STEAP3: variants seen among roughly 807,000 people sequenced by gnomAD.
The protein encoded by STEAP3 is metalloreductase STEAP3.
A neutral mutation model predicts 34.9 loss-of-function variants in STEAP3; 35 were observed. The ratio of observed to expected loss-of-function variants is 1.00; its 90% confidence interval spans 0.76 to 1.33. STEAP3 has a LOEUF of 1.33. STEAP3 is among the 40% of genes most tolerant of loss of function. The pLI, the probability that STEAP3 is intolerant of heterozygous loss-of-function variation, is 0.00. For synonymous variants in STEAP3, 281 were observed against 301.6 expected, an observed-to-expected ratio of 0.93 and a Z score of 0.71; for missense variants, 652 against 667.6, an observed-to-expected ratio of 0.98 and a Z score of 0.26.
chr2:119,237,329 T>A (rs1036510033), intron 2 of STEAP3, among the ~76,000 whole-genome samples: 1 of 152,088 alleles, frequency 6.6e-6, no homozygotes, highest in Non-Finnish European at 1.5e-5. Flanking sequence ...GCACCATGTG[T>A]GCAGAGATCA....
chr2:119,262,935 C>T (rs1573587504), intron 5 of STEAP3, 122 bp from the exon 6 acceptor site: 2 of 1,342,616 alleles, frequency 1.5e-6, no homozygotes, highest in South Asian at 2.6e-5. Flanking sequence ...GGTTCCAACC[C>T]ATAGCGGTGA....
At position 119,263,073 on chromosome 2, in the gene STEAP3, T is replaced by C; in HGVS notation, c.1232T>C (p.Val411Ala). The change falls in exon 6 of 6, where the codon GTG (valine) becomes GCG (alanine). Residue 411 changes from valine (V) to alanine (A), a missense_variant. Transcript: ENST00000393110. ...FSFVQSSLGF[V>A]ALVLSTLHTL... Reference sequence around the variant, plus strand: ...CCTCCACAGTCCTCACTGGGCTTTGTGGCCCTCGTGCTGAGCACACTGCAC... The same window carrying C: ...CCTCCACAGTCCTCACTGGGCTTTGCGGCCCTCGTGCTGAGCACACTGCAC... 6.2e-7 allele frequency: 1 copy of C among 1,607,104 alleles called. No homozygotes were observed. Among genetic ancestry groups the C allele is most frequent in the Non-Finnish European group, 8.5e-7 (1 of 1,179,892 alleles).
rs547403155 is a variant in STEAP3, at chr2:119,246,275, T to C, written c.522+287T>C. The C allele has an allele frequency of 5.3e-4, 211 of 394,868 alleles. 2 individuals carry two copies. The Middle Eastern group carries it at 8.0e-3, about 15-fold the overall frequency. 24.5% of individuals were successfully genotyped at this position (394,868 alleles called of 1,614,324 possible). On this transcript the variant is annotated intron_variant, in intron 3 of 5. Coordinates refer to ENST00000393110, the MANE Select transcript of STEAP3 (RefSeq NM_182915.3). ...TAGAGGGCAAGGAGGAAAAGGTTGA[T>C]GGCTTTTTGCTATTTGGAGCCAAGA...
chr2:119,238,462 G>C (rs544517629), intron 2 of STEAP3, among the ~76,000 whole-genome samples: 3 of 152,112 alleles, frequency 2.0e-5, no homozygotes, highest in Non-Finnish European at 4.4e-5. Flanking sequence ...CCAGTCTTTT[G>C]CCCACTTTAT....
chr2:119,230,644 C>G lies in STEAP3; in HGVS notation c.-369C>G. 1 of 351,414 alleles carries G rather than the reference C, an allele frequency of 2.8e-6. No homozygotes were observed. 21.8% of individuals were successfully genotyped at this position (351,414 alleles called of 1,614,324 possible). On this transcript the variant is annotated 5_prime_UTR_variant, in exon 2 of 6. It adds an upstream start codon to the 5' untranslated region. Transcript: ENST00000393110. ...GATGACATTTATTCATTTTATGCAT[C>G]CTGGGTTCTACTGGTCGTCCCACCT...
chr2:119,244,104 C>T (rs759396290), intron 2 of STEAP3, among the ~76,000 whole-genome samples: 1 of 152,036 alleles, frequency 6.6e-6, no homozygotes, highest in Admixed American at 6.6e-5. Context: ...GGAAACACAG[C>T]GAAAATATTT....
chr2:119,248,397 G>A, intron 4 of STEAP3, 191 bp downstream of exon 4: 1 of 676,712 alleles, frequency 1.5e-6, no homozygotes, highest in Non-Finnish European at 2.4e-6. Flanking sequence ...GAACAAAGCA[G>A]ATGAAAATTC....
At chr2:119,256,285 C>T (rs555948179) in intron 5 of STEAP3, among the ~76,000 whole-genome samples, 2 of 152,202 alleles carry the variant, frequency 1.3e-5, no homozygotes, top group Non-Finnish European at 2.9e-5. Flanking sequence ...TGGCTCTGCT[C>T]ATCTCAGAAG....
At chr2:119,232,446 G>C (rs1411637600) in intron 2 of STEAP3, among the ~76,000 whole-genome samples, 1 of 152,180 alleles carries the variant, frequency 6.6e-6, no homozygotes, top group Non-Finnish European at 1.5e-5. Context: ...TTGACTCCTG[G>C]TTATTGCAGC....
At chr2:119,260,314 T>C (rs1263242229) in intron 5 of STEAP3, among the ~76,000 whole-genome samples, 1 of 122,838 alleles carries the variant, frequency 8.1e-6, no homozygotes, top group Non-Finnish European at 2.0e-5. Flanking sequence ...TCTTTTTTTT[T>C]TTTTTCTTTT....
At chr2:119,257,902 C>G (rs563353474) in intron 5 of STEAP3, among the ~76,000 whole-genome samples, 1 of 152,056 alleles carries the variant, frequency 6.6e-6, no homozygotes, top group African/African-American at 2.4e-5. Flanking sequence ...TTGGACCTCA[C>G]GCGAGAAAGA....
Position 119,227,840 on chromosome 2 carries a change from A to AT in STEAP3, c.-393-2774dup, listed in dbSNP as rs905532312. On this transcript the variant is annotated intron_variant, in intron 1 of 5. Coordinates refer to ENST00000393110, the MANE Select transcript of STEAP3 (RefSeq NM_182915.3). ...TATTTATTTATTTATTTATTTATTTATTTTTTGGAGACAGAATCTCGCTCT... is the reference window on the plus strand; with the variant it reads ...TATTTATTTATTTATTTATTTATTTATTTTTTTGGAGACAGAATCTCGCTCT... Among the ~76,000 whole-genome samples, 126 of 147,592 alleles carry AT rather than the reference A, an allele frequency of 8.5e-4. No individual in the cohort carries two copies. The Middle Eastern group carries it at 0.014, about 16-fold the overall frequency.
At chr2:119,228,238 G>A (rs1679102729) in intron 1 of STEAP3, among the ~76,000 whole-genome samples, 3 of 152,166 alleles carry the variant, frequency 2.0e-5, no homozygotes, top group Admixed American at 2.0e-4. Flanking sequence ...CCCCCAGTCA[G>A]GGCAAGTGTC....
rs546323453 is a variant in STEAP3 at position 119,232,808 on chromosome 2, C to A, written c.22+1774C>A. Among the ~76,000 whole-genome samples the A allele has an allele frequency of 1.6e-4, 25 of 152,140 alleles. No individual in the cohort carries two copies. The East Asian group carries it at 4.6e-3, about 28-fold the overall frequency. ...GGGAGTAGGGCCCCCCACCACCTAC[C>A]CCTGGGACCTCTAAGGGAAAGTACA... On this transcript the variant is annotated intron_variant, in intron 2 of 5. Transcript: ENST00000393110.
chr2:119,254,867 T>C lies in STEAP3; in HGVS notation c.1215+19T>C. 1.2e-6 allele frequency: 2 copies of C among 1,611,412 alleles called. No individual in the cohort carries two copies. The highest frequency in any genetic ancestry group is 2.7e-5 in the African/African-American group (2 of 75,020). On this transcript the variant is annotated intron_variant, in intron 5 of 5. Transcript: ENST00000393110. The stretch of plus-strand genomic sequence containing the variant: ...CGTTCAGGTAAAGTAGTCTCTAGTC[T>C]GCCAGCCAGCTTCAGCGTGGCCCTG...
At chr2:119,240,071 G>A (rs570775614) in intron 2 of STEAP3, among the ~76,000 whole-genome samples, 5 of 151,954 alleles carry the variant, frequency 3.3e-5, no homozygotes, top group African/African-American at 7.3e-5. Context: ...GATAGCATGC[G>A]CCTGTAGTCC....
chr2:119,262,966 C>A, intron 5 of STEAP3, 91 bp from the exon 6 acceptor site: 1 of 1,542,866 alleles, frequency 6.5e-7, no homozygotes, highest in Non-Finnish European at 8.7e-7. Context: ...CACCCTCCTT[C>A]CCCTCCGCCA....
At position 119,254,755 on chromosome 2, in the gene STEAP3, A is replaced by G. The variant is rs749050595; in HGVS notation, c.1122A>G (p.Gly374=). The G allele has an allele frequency of 2.5e-5, 41 of 1,613,982 alleles. No individual in the cohort carries two copies. Among genetic ancestry groups the G allele is most frequent in the Non-Finnish European group, 3.5e-5 (41 of 1,180,026 alleles). ...VWRMEIYLSL[G]VLALGTLSLL... is the part of the protein sequence containing the mutation. ...GGATGGAGATCTACCTCTCCCTGGG[A>G]GTGCTGGCCCTCGGCACGTTGTCCC... is the stretch of plus-strand genomic sequence containing the variant. Residue 374 remains glycine (G), a synonymous_variant, in exon 5 of 6, where the codon GGA becomes GGG. Transcript: ENST00000393110.
chr2:119,250,481 CT>C (rs2104831091), intron 4 of STEAP3, among the ~76,000 whole-genome samples: 1 of 152,328 alleles, frequency 6.6e-6, no homozygotes, highest in South Asian at 2.1e-4. Flanking sequence ...TTCTTACTGA[CT>C]TCTACAAAGC....
Sources: gnomAD v4.1 joint callset for allele counts (sites outside exome capture counted in the v4.1 genomes callset) on GRCh38, gnomAD v4.1.1 for gene constraint, MANE v1.5 for transcripts, NCBI Gene and HGNC (gene_info 2026-07-23, HGNC 2026-07-21) for gene names.